Variants in BBX observed in about 807,000 individuals in gnomAD.
The protein encoded by BBX is BBX high mobility group box domain containing.
Under a neutral mutation model 100.2 loss-of-function variants are expected in BBX, and 30 were observed. The ratio of observed to expected loss-of-function variants is 0.30; its 90% CI spans 0.22 to 0.41. The LOEUF (loss-of-function observed/expected upper bound fraction) is 0.41, where lower values mean the gene tolerates loss of function less well. Ranked by LOEUF, BBX falls within the 10% of genes least tolerant of loss-of-function variation. The pLI is 1.00. For synonymous variants in BBX, 376 were observed against 388.1 expected (o/e 0.97, Z 0.37); for missense variants, 1,023 against 1,129.8 (o/e 0.91, Z 1.35).
At chr3:107,784,573 T>C (rs1011807100) in intron 13 of BBX, among the ~76,000 whole-genome samples, 2 of 151,140 alleles carry the variant, frequency 1.3e-5, no homozygotes, top group African/African-American at 4.9e-5. Flanking sequence ...AAAAAAGAAA[T>C]CAAAGAGAAA....
At chr3:107,614,943 G>T (rs1470137200) in intron 2 of BBX, among the ~76,000 whole-genome samples, 3 of 152,130 alleles carry the variant, frequency 2.0e-5, no homozygotes, top group Non-Finnish European at 2.9e-5. Flanking sequence ...GCATGATGTG[G>T]GTGGAAACCG....
At chr3:107,792,863 G>A (rs1352484983) in intron 15 of BBX, among the ~76,000 whole-genome samples, 1 of 152,098 alleles carries the variant, frequency 6.6e-6, no homozygotes, top group African/African-American at 2.4e-5. Context: ...AAATGATACT[G>A]TTCTAAGTAC....
chr3:107,737,052 CTT>C (rs1288430183), intron 7 of BBX, among the ~76,000 whole-genome samples: 2 of 152,042 alleles, frequency 1.3e-5, no homozygotes, highest in Admixed American at 1.3e-4. Context: ...TCAAGCCACT[CTT>C]TTCTTTGCCT....
intron 5 of BBX, among the ~76,000 whole-genome samples, chr3:107,723,184 G>A (rs575855889): frequency 6.6e-6 from 1 of 151,916 alleles, no homozygotes; most frequent in South Asian, 2.1e-4. Context: ...ATCTCACTAG[G>A]GTTGCCACTT....
chr3:107,639,916 C>G (rs1010887303), intron 2 of BBX, among the ~76,000 whole-genome samples: 1 of 152,066 alleles, frequency 6.6e-6, no homozygotes, highest in Admixed American at 6.5e-5. Flanking sequence ...CATTCAGCAC[C>G]CAAATGCTGA....
intron 2 of BBX, among the ~76,000 whole-genome samples, chr3:107,626,147 A>G (rs2056156274): frequency 6.6e-6 from 1 of 152,232 alleles, no homozygotes; most frequent in Non-Finnish European, 1.5e-5. Flanking sequence ...CTAAAAGTTT[A>G]GGAACATTAA....
At chr3:107,554,794 C>A (rs1266688866) in intron 2 of BBX, among the ~76,000 whole-genome samples, 1 of 151,864 alleles carries the variant, frequency 6.6e-6, no homozygotes, top group Admixed American at 6.6e-5. Flanking sequence ...AGTAGCTGGG[C>A]GTGGTGGCTC....
chr3:107,751,996 C>T (rs1474863432), intron 9 of BBX, among the ~76,000 whole-genome samples: 5 of 152,192 alleles, frequency 3.3e-5, no homozygotes. Flanking sequence ...CAGAAGGGAA[C>T]TGTTGTCTTT....
intron 12 of BBX, among the ~76,000 whole-genome samples, chr3:107,776,924 G>C (rs2067363268): frequency 6.6e-6 from 1 of 152,132 alleles, no homozygotes; most frequent in Admixed American, 6.5e-5. Context: ...ATGTTATTAA[G>C]GGGAAAATAT....
At chr3:107,800,887 TG>T (rs2070378470) in intron 16 of BBX, among the ~76,000 whole-genome samples, 1 of 152,258 alleles carries the variant, frequency 6.6e-6, no homozygotes, top group African/African-American at 2.4e-5. Context: ...CAGGGCACAG[TG>T]CTGTCCATAG....
chr3:107,790,949 CTT>C (rs2068955546), intron 14 of BBX, among the ~76,000 whole-genome samples: 1 of 152,110 alleles, frequency 6.6e-6, no homozygotes, highest in Non-Finnish European at 1.5e-5. Context: ...AAAACATCAG[CTT>C]TTTTCATTCC....
intron 2 of BBX, among the ~76,000 whole-genome samples, chr3:107,618,819 G>A (rs920800544): frequency 1.3e-5 from 2 of 152,058 alleles, no homozygotes; most frequent in African/African-American, 4.8e-5. Flanking sequence ...AGCATAACAT[G>A]TAGTCTGTTT....
intron 5 of BBX, among the ~76,000 whole-genome samples, chr3:107,727,014 T>A (rs1286916373): frequency 6.6e-6 from 1 of 152,140 alleles, no homozygotes; most frequent in Non-Finnish European, 1.5e-5. Context: ...TTAAAATTGG[T>A]TGATGCTGGC....
intron 3 of BBX, among the ~76,000 whole-genome samples, chr3:107,708,310 C>T (rs370219973): frequency 6.6e-6 from 1 of 152,228 alleles, no homozygotes. Context: ...GCATGAGCTT[C>T]TTGCTAAGAA....
chr3:107,807,069 T>C lies in BBX; in HGVS notation c.*1612T>C, dbSNP rs2071101838. 6.6e-6 allele frequency: 1 copy of C among 152,126 alleles called. No homozygotes were observed. The highest frequency in any genetic ancestry group is 2.1e-4 in the South Asian group (1 of 4,828). The allele number at this position is 152,126 out of a possible 1,614,324, so 9.4% of individuals were successfully genotyped here. On this transcript the variant is annotated 3_prime_UTR_variant, in exon 18 of 18. Coordinates refer to ENST00000325805, the MANE Select transcript of BBX (RefSeq NM_001142568.3). Reference sequence around the variant, plus strand: ...TAATTGTAATTTGACGTAATAGCCATACAAAAAATGACTCTATTCATACTA... The same window carrying C: ...TAATTGTAATTTGACGTAATAGCCACACAAAAAATGACTCTATTCATACTA...
chr3:107,564,812 A>G (rs1191980826), intron 2 of BBX, among the ~76,000 whole-genome samples: 1 of 152,032 alleles, frequency 6.6e-6, no homozygotes, highest in Non-Finnish European at 1.5e-5. Flanking sequence ...TCTTTTCACA[A>G]TTTTTTGGCT....
intron 3 of BBX, among the ~76,000 whole-genome samples, chr3:107,666,858 C>T (rs554441978): frequency 1.3e-5 from 2 of 152,342 alleles, no homozygotes; most frequent in South Asian, 2.1e-4. Flanking sequence ...GGGCGAGCCA[C>T]TGCACCCGGC....
rs546373207 is a variant in BBX at position 107,526,362 on chromosome 3, A to C, written c.-120A>C. 5.0e-6 allele frequency: 2 copies of C among 398,680 alleles called. No individual in the cohort carries two copies. The highest frequency in any genetic ancestry group is 2.5e-4 in the South Asian group (2 of 7,864). The allele number at this position is 398,680 out of a possible 1,614,324, so 24.7% of individuals were successfully genotyped here. A position where few individuals can be genotyped will look rare whatever the true frequency, so the allele number is the denominator to read the frequency against. Reference sequence around the variant, plus strand: ...TATGACAAAGGCTTTGCCGCAGTTCATCTTCCTCCCTGTGTACTTTCCATT... The same window carrying C: ...TATGACAAAGGCTTTGCCGCAGTTCCTCTTCCTCCCTGTGTACTTTCCATT... On this transcript the variant is annotated 5_prime_UTR_variant, in exon 2 of 18. Coordinates refer to ENST00000325805, the MANE Select transcript of BBX (RefSeq NM_001142568.3).
intron 2 of BBX, among the ~76,000 whole-genome samples, chr3:107,631,685 T>C (rs531438784): frequency 2.0e-5 from 3 of 152,180 alleles, no homozygotes; most frequent in Admixed American, 6.5e-5. Context: ...TTTTGCTGTT[T>C]GTGGATTATT....
Sources: allele counts gnomAD v4.1 joint callset (sites outside exome capture counted in the v4.1 genomes callset), GRCh38; gene constraint gnomAD v4.1.1; transcripts MANE v1.5; gene names NCBI Gene and HGNC (gene_info 2026-07-23, HGNC 2026-07-21).